The following TSHZ2 variants were observed in gnomAD, a reference collection of about 807,000 sequenced individuals.
TSHZ2 encodes teashirt zinc finger homeobox 2.
A neutral mutation model predicts 74.4 loss-of-function variants in TSHZ2; 21 were observed. That is an observed-to-expected ratio of 0.28 (90% CI 0.20 to 0.41). TSHZ2 has a LOEUF of 0.41. TSHZ2 is among the 10% of genes least tolerant of loss of function. The probability of loss-of-function intolerance (pLI) is 1.00; values close to 1 mark genes in which losing one functional copy is unlikely to be tolerated. For missense variants in TSHZ2, 1,244 were observed against 1,293.5 expected (o/e 0.96, Z 0.59); for synonymous variants, 540 against 515.3 (o/e 1.05, Z -0.65).
At chr20:53,090,273 T>A (rs1435206959) in intron 1 of TSHZ2, among the ~76,000 whole-genome samples, 3 of 152,154 alleles carry the variant, frequency 2.0e-5, no homozygotes, top group African/African-American at 7.2e-5. Flanking sequence ...GGTCTGCCTC[T>A]CCCACACCAC....
intron 2 of TSHZ2, among the ~76,000 whole-genome samples, chr20:53,314,165 A>T (rs950569547): frequency 6.6e-6 from 1 of 151,944 alleles, no homozygotes; most frequent in Non-Finnish European, 1.5e-5. Flanking sequence ...ATGGGTGCCT[A>T]TAGTCCCAAC....
At chr20:53,312,669 G>A (rs181905236) in intron 2 of TSHZ2, among the ~76,000 whole-genome samples, 83 of 152,312 alleles carry the variant, frequency 5.4e-4, no homozygotes, top group Non-Finnish European at 1.8e-4. Context: ...CAATGAGCAC[G>A]CTGTTCCGAG....
At chr20:53,100,153 T>C (rs1986175582) in intron 1 of TSHZ2, among the ~76,000 whole-genome samples, 1 of 152,132 alleles carries the variant, frequency 6.6e-6, no homozygotes, top group Admixed American at 6.5e-5. Flanking sequence ...ATTAGTTAAC[T>C]TGCTTGAGAT....
chr20:53,130,998 G>T (rs1394822571), intron 1 of TSHZ2, among the ~76,000 whole-genome samples: 1 of 152,198 alleles, frequency 6.6e-6, no homozygotes. Flanking sequence ...ACACGTGGAT[G>T]ATACATAAAA....
At chr20:53,276,649 A>T (rs931461345) in intron 2 of TSHZ2, among the ~76,000 whole-genome samples, 1 of 152,192 alleles carries the variant, frequency 6.6e-6, no homozygotes, top group Non-Finnish European at 1.5e-5. Flanking sequence ...CTCAAACTTG[A>T]CTGTACATCG....
intron 1 of TSHZ2, among the ~76,000 whole-genome samples, chr20:53,234,628 T>C (rs1989899415): frequency 6.6e-6 from 1 of 151,972 alleles, no homozygotes; most frequent in African/African-American, 2.4e-5. Context: ...CATCAGGAAA[T>C]GATATTTAGG....
intron 1 of TSHZ2, among the ~76,000 whole-genome samples, chr20:53,199,437 A>G (rs920245757): frequency 2.0e-5 from 3 of 152,184 alleles, no homozygotes; most frequent in Admixed American, 6.5e-5. Context: ...TTGTGCCACT[A>G]TACTCCAGCC....
At chr20:53,136,238 A>G (rs1330757449) in intron 1 of TSHZ2, among the ~76,000 whole-genome samples, 1 of 152,190 alleles carries the variant, frequency 6.6e-6, no homozygotes, top group East Asian at 1.9e-4. Flanking sequence ...CCTTTAATGC[A>G]TGAATGGATT....
intron 1 of TSHZ2, among the ~76,000 whole-genome samples, chr20:53,233,903 T>C (rs563823119): frequency 4.3e-4 from 66 of 152,328 alleles, no homozygotes; most frequent in African/African-American, 1.5e-3. Context: ...CTTTGGATTT[T>C]CTTCCAAGCA....
chr20:53,367,758 A>G (rs970787119), intron 2 of TSHZ2, among the ~76,000 whole-genome samples: 5 of 151,856 alleles, frequency 3.3e-5, no homozygotes, highest in Non-Finnish European at 5.9e-5. Flanking sequence ...TTTTTAGTAG[A>G]GACGGGGTTT....
At chr20:53,108,527 T>C (rs912127639) in intron 1 of TSHZ2, among the ~76,000 whole-genome samples, 1 of 152,238 alleles carries the variant, frequency 6.6e-6, no homozygotes, top group African/African-American at 2.4e-5. Context: ...CTGAGAATTC[T>C]TTCTGAATAT....
intron 1 of TSHZ2, among the ~76,000 whole-genome samples, chr20:52,995,682 G>A (rs1359794082): frequency 2.1e-5 from 3 of 144,654 alleles, no homozygotes; most frequent in African/African-American, 7.7e-5. Context: ...GTGCAATCTT[G>A]GCTCACTGCA....
intron 1 of TSHZ2, among the ~76,000 whole-genome samples, chr20:53,112,152 A>C (rs1161363978): frequency 1.3e-5 from 2 of 152,336 alleles, no homozygotes; most frequent in South Asian, 2.1e-4. Flanking sequence ...GGTAGGGCCC[A>C]GGTCACCAGA....
intron 1 of TSHZ2, among the ~76,000 whole-genome samples, chr20:53,050,177 A>G: frequency 6.9e-6 from 1 of 145,458 alleles, no homozygotes. Context: ...ACATATATAC[A>G]CATATATATG....
rs76196044 is a variant in TSHZ2 at position 53,479,341 on chromosome 20, T to C, written c.*9-7803T>C. On this transcript the variant is annotated intron_variant, in intron 2 of 2. Transcript: ENST00000371497. ...TGCATTTCTGACAAGCTCTAGGTGA[T>C]CCCAGTACTGCTGTTATATGGACCA... Among the ~76,000 whole-genome samples, 1,110 of 152,216 alleles carry C rather than the reference T, an allele frequency of 7.3e-3. 5 individuals are homozygous for C. The highest frequency in any genetic ancestry group is 0.02 in the Middle Eastern group (6 of 294).
chr20:53,067,927 C>T (rs1428193828), intron 1 of TSHZ2, among the ~76,000 whole-genome samples: 1 of 152,172 alleles, frequency 6.6e-6, no homozygotes, highest in Non-Finnish European at 1.5e-5. Context: ...AGGACCCTTC[C>T]TTGCCTCTTC....
intron 1 of TSHZ2, among the ~76,000 whole-genome samples, chr20:53,214,038 C>T (rs954984661): frequency 6.6e-6 from 1 of 152,142 alleles, no homozygotes; most frequent in East Asian, 1.9e-4. Flanking sequence ...CCTTACATTG[C>T]TTCAAATTCA....
At chr20:53,079,788 G>T (rs1985475654) in intron 1 of TSHZ2, among the ~76,000 whole-genome samples, 1 of 151,590 alleles carries the variant, frequency 6.6e-6, no homozygotes, top group Admixed American at 6.6e-5. Flanking sequence ...CCAGCAGATA[G>T]CTACTATAGC....
intron 1 of TSHZ2, among the ~76,000 whole-genome samples, chr20:53,066,847 C>T (rs1461905313): frequency 1.3e-5 from 2 of 152,128 alleles, no homozygotes; most frequent in Non-Finnish European, 2.9e-5. Context: ...GTCCCCAAAC[C>T]AAGACTAAGG....
Sources: allele counts gnomAD v4.1 joint callset (sites outside exome capture counted in the v4.1 genomes callset), GRCh38; gene constraint gnomAD v4.1.1; transcripts MANE v1.5; gene names NCBI Gene and HGNC (gene_info 2026-07-23, HGNC 2026-07-21).